The following NCSTN variants were observed in gnomAD, a reference collection of about 807,000 sequenced individuals.
NCSTN encodes the protein anterior pharynx-defective 2.
Under a neutral mutation model 87.0 loss-of-function variants are expected in NCSTN, and 22 were observed. That is an observed-to-expected ratio of 0.25 (90% CI 0.18 to 0.36). The LOEUF (loss-of-function observed/expected upper bound fraction) is 0.36. Among genes scored for constraint, NCSTN ranks in the 10% least tolerant of loss-of-function variants. The pLI is 1.00. For missense variants in NCSTN, 693 were observed against 883.3 expected, an observed-to-expected ratio of 0.78 and a Z score of 2.73; for synonymous variants, 306 against 327.1, an observed-to-expected ratio of 0.94 and a Z score of 0.69.
Position 160,343,447 on chromosome 1 carries a change from C to G in NCSTN, c.51C>G (p.Leu17=), listed in dbSNP as rs1315207209. Residue 17 remains leucine, a synonymous_variant, in exon 1 of 17, where the codon CTC becomes CTG. Transcript: ENST00000294785. ...GSGADPGSRG[L]LRLLSFCVLL... ...GGGCTGACCCGGGAAGTCGGGGTCT[C>G]CTTCGCCTTCTGTCTTTCTGCGTCC... 1 of 1,611,956 alleles carries G rather than the reference C, an allele frequency of 6.2e-7. No individual in the cohort carries two copies. Among genetic ancestry groups the G allele is most frequent in the Non-Finnish European group, 8.5e-7 (1 of 1,179,422 alleles).
In NCSTN at chr1:160,350,326, C is replaced by T. The variant is rs57114994; in HGVS notation, c.582+76C>T. ...TTCTAGCCAGGTGTGGTGGTGTGTG[C>T]ACGTAGTCCCAGCCACCCGGGAGGC... On this transcript the variant is annotated intron_variant, in intron 5 of 16. Coordinates refer to ENST00000294785, the MANE Select transcript of NCSTN (RefSeq NM_015331.3). The T allele has an allele frequency of 8.0e-3, 12,437 of 1,556,568 alleles. 891 individuals are homozygous for T. In the African/African-American group the frequency reaches 0.15, roughly 18 times the overall value.
chr1:160,353,143 C>T lies in NCSTN; in HGVS notation c.1102-17C>T. The T allele has an allele frequency of 1.2e-6, 2 of 1,613,268 alleles. No individual in the cohort carries two copies. Among genetic ancestry groups the T allele is most frequent in the Non-Finnish European group, 1.7e-6 (2 of 1,179,186 alleles). ...AGGAGACTGATTCTAAGTGTTGTTT[C>T]TTCATCCTCCCCCCAGGTGGCCTTA... On this transcript the variant is annotated splice_polypyrimidine_tract_variant and intron_variant, in intron 9 of 16. Coordinates refer to ENST00000294785, the MANE Select transcript of NCSTN (RefSeq NM_015331.3).
chr1:160,358,656 T>C lies in NCSTN; in HGVS notation c.*385T>C. ...ACCCCCACCCCTGTACCCAGCCACC[T>C]TCCTGACTGGGAAGGACATAAAAGG... On this transcript the variant is annotated 3_prime_UTR_variant, in exon 17 of 17. Transcript: ENST00000294785. 1 of 325,220 alleles carries C rather than the reference T, an allele frequency of 3.1e-6. No homozygotes were observed. The highest frequency in any genetic ancestry group is 6.0e-6 in the Non-Finnish European group (1 of 167,066). 20.1% of individuals were successfully genotyped at this position (325,220 alleles called of 1,614,324 possible).
In NCSTN at chr1:160,357,157, G is replaced by A; in HGVS notation, c.1911G>A (p.Leu637=). Residue 637 remains leucine (L), a synonymous_variant, in exon 16 of 17, where the codon CTG becomes CTA. Transcript: ENST00000294785. ...LARALSPAFE[L]SQWSSTEYST... The stretch of plus-strand genomic sequence containing the variant: ...GGGCCTTGTCTCCTGCCTTTGAACT[G>A]AGTCAGTGGAGCTCTACTGAATACT... 1.2e-6 allele frequency: 2 copies of A among 1,614,164 alleles called. No individual in the cohort carries two copies. The highest frequency in any genetic ancestry group is 1.7e-6 in the Non-Finnish European group (2 of 1,180,024).
rs745819633 is a variant in NCSTN, at chr1:160,352,902, A to G, written c.1012A>G (p.Ile338Val). 5 of 1,614,086 alleles carry G rather than the reference A, an allele frequency of 3.1e-6. No individual in the cohort carries two copies. The highest frequency in any genetic ancestry group is 1.1e-5 in the South Asian group (1 of 91,076). Residue 338 changes from isoleucine (I) to valine (V), a missense_variant, in exon 9 of 17, where the codon ATT (isoleucine) becomes GTT (valine). This residue lies in a region of NCSTN where 134 missense variants were observed against 226.0 expected (regional missense o/e 0.59). Coordinates refer to ENST00000294785, the MANE Select transcript of NCSTN (RefSeq NM_015331.3). ...VFFQGETFDYIGSSRMVYDME... is the reference protein window; with the variant it reads ...VFFQGETFDYVGSSRMVYDME... ...CATCTCTCAGGAAACTTTTGACTAC[A>G]TTGGCAGCTCGAGGATGGTCTACGA...
chr1:160,353,242 CCT>C lies in NCSTN; in HGVS notation c.1179+6_1179+7del. The C allele has an allele frequency of 6.2e-7, 1 of 1,614,106 alleles. No homozygotes were observed. The highest frequency in any genetic ancestry group is 2.2e-5 in the East Asian group (1 of 44,886). Reference sequence around the variant, plus strand: ...AATGAGTCTGTACGGAACCAGGTAACCTGAGCATCTCCCCTCATTTCCTATTC... The same window carrying C: ...AATGAGTCTGTACGGAACCAGGTAACGAGCATCTCCCCTCATTTCCTATTC... On this transcript the variant is annotated splice_donor_region_variant and intron_variant, in intron 10 of 16. Coordinates refer to ENST00000294785, the MANE Select transcript of NCSTN (RefSeq NM_015331.3).
rs772889164 is a variant in NCSTN, at chr1:160,344,741, A to G, written c.105A>G (p.Ser35=). Residue 35 remains serine (S), a synonymous_variant, in exon 2 of 17, where the codon TCA becomes TCG. Coordinates refer to ENST00000294785, the MANE Select transcript of NCSTN (RefSeq NM_015331.3). ...VLLAGLCRGN[S]VERKIYIPLN... is the part of the protein sequence containing the mutation. The stretch of plus-strand genomic sequence containing the variant: ...GATCAGGTTTGTGCAGGGGAAACTC[A>G]GTGGAGAGGAAGATATATATCCCCT... 1.1e-5 allele frequency: 18 copies of G among 1,614,150 alleles called. No individual in the cohort carries two copies. Among genetic ancestry groups the G allele is most frequent in the Non-Finnish European group, 1.5e-5 (18 of 1,179,980 alleles).
chr1:160,346,413 C>T (rs1457130391), intron 2 of NCSTN, among the ~76,000 whole-genome samples: 1 of 152,216 alleles, frequency 6.6e-6, no homozygotes, highest in Non-Finnish European at 1.5e-5. Context: ...CTGAAGCCTT[C>T]TTCCCATTTG....
At chr1:160,356,934 G>A in intron 15 of NCSTN, 107 bp from the exon 16 acceptor site, 2 of 1,378,584 alleles carry the variant, frequency 1.5e-6, no homozygotes, top group East Asian at 4.6e-5. Flanking sequence ...TAAAGGGACA[G>A]CAGCCAGTTA....
chr1:160,351,158 T>A, intron 5 of NCSTN, 64 bp from the exon 6 acceptor site: 2 of 1,565,844 alleles, frequency 1.3e-6, no homozygotes, highest in Admixed American at 3.3e-5. Context: ...CCCTCCTCCT[T>A]CTGGGATGTA....
chr1:160,345,947 A>AAAG (rs1409109785), intron 2 of NCSTN, among the ~76,000 whole-genome samples: 2 of 151,338 alleles, frequency 1.3e-5, no homozygotes, highest in Non-Finnish European at 2.9e-5. Context: ...TGAAAAAAAA[A>AAAG]AAAAAAAAAA....
intron 2 of NCSTN, among the ~76,000 whole-genome samples, chr1:160,346,760 C>T (rs542031034): frequency 5.3e-5 from 8 of 152,290 alleles, no homozygotes; most frequent in East Asian, 3.9e-4. Context: ...CGCGTGCCAC[C>T]GTGCCCAGCT....
Position 160,353,170 on chromosome 1 carries a change from G to T in NCSTN, c.1112G>T (p.Arg371Ile). The T allele has an allele frequency of 6.2e-7, 1 of 1,614,086 alleles. No individual in the cohort carries two copies. Among genetic ancestry groups the T allele is most frequent in the Non-Finnish European group, 8.5e-7 (1 of 1,179,982 alleles). ...TCATCCTCCCCCCAGGTGGCCTTAA[G>T]AACTTCATTAGAGCTTTGGATGCAC... ...SFVELGQVAL[R>I]TSLELWMHTD... The change falls in exon 10 of 17, where the codon AGA becomes ATA. Residue 371 changes from arginine (R) to isoleucine (I), a missense_variant. Coordinates refer to ENST00000294785, the MANE Select transcript of NCSTN (RefSeq NM_015331.3).
At chr1:160,353,641 C>T in intron 10 of NCSTN, 9 of 1,176,914 alleles carry the variant, frequency 7.6e-6, no homozygotes, top group Non-Finnish European at 9.6e-6. Context: ...ACCTTCCCTT[C>T]CCTCTAGGTC....
In NCSTN at chr1:160,358,382, T is replaced by C. The variant is rs2101912461; in HGVS notation, c.*111T>C. The C allele has an allele frequency of 7.0e-7, 1 of 1,430,708 alleles. No homozygotes were observed. The highest frequency in any genetic ancestry group is 1.2e-5 in the South Asian group (1 of 86,274). The allele number at this position is 1,430,708 out of a possible 1,614,324, so 88.6% of individuals were successfully genotyped here. On this transcript the variant is annotated 3_prime_UTR_variant, in exon 17 of 17. Transcript: ENST00000294785. ...GGAACCTCCCTGGGCCTGTCTCAGA[T>C]TGGGATTAACATAAAAGAGTGGAAC...
At position 160,354,268 on chromosome 1, in the gene NCSTN, C is replaced by G; in HGVS notation, c.1330C>G (p.His444Asp). 2 of 1,614,116 alleles carry G rather than the reference C, an allele frequency of 1.2e-6. No homozygotes were observed. The highest frequency in any genetic ancestry group is 1.7e-6 in the Non-Finnish European group (2 of 1,180,026). The change falls in exon 11 of 17, where the codon CAC becomes GAC. Residue 444 changes from histidine (H) to aspartate (D), a missense_variant. Coordinates refer to ENST00000294785, the MANE Select transcript of NCSTN (RefSeq NM_015331.3). The part of the protein sequence containing the change: ...RNISGVVLAD[H>D]SGAFHNKYYQ... Reference sequence around the variant, plus strand: ...CATCTCTGGCGTTGTTCTGGCTGACCACTCTGGTGCCTTCCATAACAAGTA... The same window carrying G: ...CATCTCTGGCGTTGTTCTGGCTGACGACTCTGGTGCCTTCCATAACAAGTA...
At chr1:160,358,019 A>G in intron 16 of NCSTN, 130 bp from the exon 17 acceptor site, 2 of 1,173,552 alleles carry the variant, frequency 1.7e-6, no homozygotes, top group Middle Eastern at 2.0e-4. Context: ...GTTGCCCATG[A>G]TTATTCCATA....
intron 10 of NCSTN, 39 bp downstream of exon 10, chr1:160,353,276 C>G: frequency 6.2e-7 from 1 of 1,613,926 alleles, no homozygotes; most frequent in South Asian, 1.1e-5. Flanking sequence ...ATTCCTACAG[C>G]TCAGAATCCA....
At chr1:160,344,956 C>T (rs902198271) in intron 2 of NCSTN, 130 bp downstream of exon 2, 12 of 798,450 alleles carry the variant, frequency 1.5e-5, no homozygotes, top group South Asian at 2.9e-5. Context: ...TACAGATAAC[C>T]GTCTGTCAAG....
Sources: gnomAD v4.1 joint callset for allele counts (sites outside exome capture counted in the v4.1 genomes callset) on GRCh38, gnomAD v4.1.1 for gene constraint, gnomAD v4.1.1 regional missense constraint, MANE v1.5 for transcripts, NCBI Gene and HGNC (gene_info 2026-07-23, HGNC 2026-07-21) for gene names.